The following GAK variants were observed in gnomAD, a reference collection of about 807,000 sequenced individuals.
GAK encodes cyclin G associated kinase.
Under a neutral mutation model 143.9 loss-of-function variants are expected in GAK, and 79 were observed. The ratio of observed to expected loss-of-function variants is 0.55; its 90% CI spans 0.46 to 0.66. The LOEUF is 0.66. Ranked by LOEUF, GAK falls within the 30% of genes least tolerant of loss-of-function variation. The pLI is 0.00. For missense variants in GAK, 1,693 were observed against 1,779.7 expected, an observed-to-expected ratio of 0.95 and a Z score of 0.88; for synonymous variants, 881 against 765.5, an observed-to-expected ratio of 1.15 and a Z score of -2.49.
At chr4:904,076 T>A (rs1328379338) in intron 5 of GAK, among the ~76,000 whole-genome samples, 1 of 152,250 alleles carries the variant, frequency 6.6e-6, no homozygotes, top group African/African-American at 2.4e-5. Flanking sequence ...GCATCCTAAC[T>A]GAGCGGGAGC....
intron 7 of GAK, 79 bp from the exon 8 acceptor site, chr4:894,088 T>C (rs1718242788): frequency 2.1e-6 from 3 of 1,398,380 alleles, no homozygotes; most frequent in Non-Finnish European, 9.3e-7. Flanking sequence ...AGAGCAGGGG[T>C]GATGCCCAGG....
intron 17 of GAK, 71 bp from the exon 18 acceptor site, chr4:876,680 T>C: frequency 1.5e-6 from 2 of 1,356,772 alleles, no homozygotes; most frequent in Non-Finnish European, 1.1e-6. Context: ...GGCCAATTTT[T>C]CCCAATGGGC....
rs755960106 is a variant in GAK at position 893,401 on chromosome 4, C to G, written c.966G>C (p.Val322=). 86 of 1,585,712 alleles carry G rather than the reference C, an allele frequency of 5.4e-5. No homozygotes were observed. Among genetic ancestry groups the G allele is most frequent in the Middle Eastern group, 1.7e-4 (1 of 5,768 alleles). Residue 322 remains valine, a synonymous_variant, in exon 9 of 28, where the codon GTG becomes GTC. Transcript: ENST00000314167. ...CCTCTGTGATGGGAGACTTGGGGTT[C>G]ACGTTGCGGGCGGCCGCGATCTCCT... The part of the protein sequence containing the change: ...QLQEIAAARN[V]NPKSPITELL...
At chr4:868,963 A>G in intron 19 of GAK, 4 of 459,848 alleles carry the variant, frequency 8.7e-6, no homozygotes, top group Non-Finnish European at 1.6e-5. Context: ...AACGCCACAC[A>G]TATGCAGGGT....
At position 890,598 on chromosome 4, in the gene GAK, C is replaced by A. The variant is rs910103977; in HGVS notation, c.1015G>T (p.Gly339Trp). 1.2e-6 allele frequency: 2 copies of A among 1,611,566 alleles called. No homozygotes were observed. The highest frequency in any genetic ancestry group is 8.5e-7 in the Non-Finnish European group (1 of 1,179,526). Residue 339 changes from glycine (G) to tryptophan (W), a missense_variant, in exon 10 of 28, where the codon GGG (glycine) becomes TGG (tryptophan). Physicochemically the swap from Gly to Trp is radical, Grantham distance 184 (BLOSUM62 -2). Transcript: ENST00000314167. ...GGCCCTCGGGACAGTGTGGCGCTCC[C>A]GTAGCCTCCATTCTGCTCCAGGAGC... ...TELLEQNGGY[G>W]SATLSRGPPP...
At chr4:925,332 G>A (rs80298333) in intron 1 of GAK, among the ~76,000 whole-genome samples, 5,672 of 152,204 alleles carry the variant, frequency 0.037, 152 homozygotes, top group East Asian at 0.14. Context: ...GCCCACCAGC[G>A]TCCATGCAAA....
At chr4:890,123 G>A (rs572343936) in intron 10 of GAK, among the ~76,000 whole-genome samples, 9 of 152,372 alleles carry the variant, frequency 5.9e-5, no homozygotes, top group African/African-American at 1.9e-4. Flanking sequence ...CCCAAAAGGG[G>A]TGTCTGTTTC....
chr4:930,884 T>G (rs1315152195), intron 1 of GAK, among the ~76,000 whole-genome samples: 5 of 152,192 alleles, frequency 3.3e-5, no homozygotes. Flanking sequence ...AATTCTGGGA[T>G]AGTCTCCTGT....
chr4:882,606 G>T, intron 14 of GAK, 91 bp downstream of exon 14: 1 of 1,499,332 alleles, frequency 6.7e-7, no homozygotes, highest in Non-Finnish European at 9.1e-7. Flanking sequence ...ACAGGCCCCA[G>T]CTCATGACTG....
intron 20 of GAK, 63 bp from the exon 21 acceptor site, chr4:867,495 GGCGC>G (rs1751424637): frequency 3.2e-6 from 4 of 1,238,744 alleles, no homozygotes; most frequent in African/African-American, 3.1e-5. Flanking sequence ...GGGTCCCCAC[GGCGC>G]GTCCCTTCAG....
intron 24 of GAK, 143 bp from the exon 25 acceptor site, chr4:852,117 C>G: frequency 1.4e-6 from 1 of 738,204 alleles, no homozygotes; most frequent in Admixed American, 2.1e-5. Context: ...CCAGAGGTGC[C>G]GGCTCCACCC....
intron 1 of GAK, chr4:913,881 CA>C (rs1722478188): frequency 8.8e-6 from 3 of 339,146 alleles, no homozygotes; most frequent in Admixed American, 4.8e-5. Context: ...ACGGCCCCCC[CA>C]CACACACACA....
rs1748942057 is a variant in GAK at position 855,304 on chromosome 4, G to A, written c.3284-3330C>T. 2.6e-5 allele frequency among the ~76,000 whole-genome samples: 4 copies of A among 151,722 alleles called. No individual in the cohort carries two copies. The South Asian group carries it at 8.3e-4, about 32-fold the overall frequency. On this transcript the variant is annotated intron_variant, in intron 24 of 27. Coordinates refer to ENST00000314167, the MANE Select transcript of GAK (RefSeq NM_005255.4). ...CACCACACAAGCCCTAGACATGTCTGGTCAGATTTATACCTAAATGTTTAT... is the reference window on the plus strand; with the variant it reads ...CACCACACAAGCCCTAGACATGTCTAGTCAGATTTATACCTAAATGTTTAT...
chr4:873,743 A>G (rs1327290776), intron 18 of GAK, among the ~76,000 whole-genome samples: 4 of 152,180 alleles, frequency 2.6e-5, no homozygotes, highest in Admixed American at 2.0e-4. Flanking sequence ...GCAATTTCCA[A>G]TTATTCCACT....
chr4:853,883 C>T (rs914696497), intron 24 of GAK: 13 of 152,204 alleles, frequency 8.5e-5, no homozygotes, highest in South Asian at 2.1e-4. Flanking sequence ...ACGCAACCTC[C>T]GCCTCCCGGG....
intron 24 of GAK, among the ~76,000 whole-genome samples, chr4:854,071 T>A (rs1160852012): frequency 6.6e-6 from 1 of 151,874 alleles, no homozygotes; most frequent in African/African-American, 2.4e-5. Flanking sequence ...GTGCTGGGAT[T>A]ACAGGCATGA....
At chr4:893,237 G>A in intron 9 of GAK, 140 bp downstream of exon 9, 1 of 554,010 alleles carries the variant, frequency 1.8e-6, no homozygotes, top group Non-Finnish European at 3.1e-6. Context: ...AGGAGACTTA[G>A]GGTTCACGTG....
Position 881,950 on chromosome 4 carries a change from T to A in GAK, c.1618A>T (p.Ser540Cys). The stretch of plus-strand genomic sequence containing the variant: ...ATGCCTGGTGGGCAGCGCTTCATGC[T>A]GAACATGTACACGGCGGCCTCCGCG... ...STAEAAVYMF[S>C]MKRCPPGIWP... The change falls in exon 15 of 28, where the codon AGC (serine) becomes TGC (cysteine). Residue 540 changes from serine (S) to cysteine (C), a missense_variant. By Grantham distance (112) the Ser-to-Cys change is moderately radical. This residue lies in a region of GAK where 871 missense variants were observed against 991.0 expected (regional missense o/e 0.88). Transcript: ENST00000314167. The A allele has an allele frequency of 1.3e-6, 2 of 1,599,040 alleles. No individual in the cohort carries two copies. Among genetic ancestry groups the A allele is most frequent in the Non-Finnish European group, 1.7e-6 (2 of 1,172,938 alleles).
chr4:850,837 T>C (rs1748008172), intron 26 of GAK, 99 bp downstream of exon 26: 18 of 1,344,814 alleles, frequency 1.3e-5, no homozygotes, highest in Non-Finnish European at 1.7e-5. Context: ...GGTGAAAGGT[T>C]GCTGTCTGGA....
Sources: gnomAD v4.1 joint callset for allele counts (sites outside exome capture counted in the v4.1 genomes callset) on GRCh38, gnomAD v4.1.1 for gene constraint, gnomAD v4.1.1 regional missense constraint, MANE v1.5 for transcripts, NCBI Gene and HGNC (gene_info 2026-07-23, HGNC 2026-07-21) for gene names.